Variants in CCSER1 observed in about 807,000 individuals in gnomAD.
CCSER1 encodes coiled-coil serine rich protein 1.
Under a neutral mutation model 82.0 loss-of-function variants are expected in CCSER1, and 41 were observed. That is an observed-to-expected ratio of 0.50 (90% CI 0.39 to 0.65). The LOEUF (loss-of-function observed/expected upper bound fraction) is 0.65. Among genes scored for constraint, CCSER1 ranks in the 30% least tolerant of loss-of-function variants. CCSER1 has a pLI of 0.00. For synonymous variants in CCSER1, 414 were observed against 383.9 expected, an observed-to-expected ratio of 1.08 and a Z score of -0.92; for missense variants, 1,119 against 1,064.2, an observed-to-expected ratio of 1.05 and a Z score of -0.72.
At chr4:91,108,398 T>G (rs1725824119) in intron 10 of CCSER1, among the ~76,000 whole-genome samples, 2 of 152,240 alleles carry the variant, frequency 1.3e-5, no homozygotes, top group African/African-American at 4.8e-5. Flanking sequence ...AATATATGGC[T>G]TATTCGAATT....
chr4:90,719,148 C>T (rs114359188), intron 6 of CCSER1, among the ~76,000 whole-genome samples: 1,930 of 152,142 alleles, frequency 0.013, 45 homozygotes, highest in African/African-American at 0.044. Flanking sequence ...ACAGCTGCTC[C>T]GCATCATTGC....
At chr4:90,849,057 A>G (rs925035579) in intron 8 of CCSER1, among the ~76,000 whole-genome samples, 5 of 152,338 alleles carry the variant, frequency 3.3e-5, no homozygotes, top group East Asian at 3.9e-4. Flanking sequence ...AGACTAATAC[A>G]GTAAATTGGT....
chr4:90,184,491 T>C (rs979966300), intron 1 of CCSER1, among the ~76,000 whole-genome samples: 2 of 152,070 alleles, frequency 1.3e-5, no homozygotes, highest in African/African-American at 4.8e-5. Flanking sequence ...AAGCTGATAG[T>C]AGAACCTCAG....
chr4:90,697,839 C>T (rs182666519), intron 6 of CCSER1, among the ~76,000 whole-genome samples: 1 of 152,172 alleles, frequency 6.6e-6, no homozygotes, highest in East Asian at 1.9e-4. Flanking sequence ...GTGTAATATC[C>T]ATAGGGAGCT....
At chr4:90,898,269 CTTTTTTTTTT>C (rs70963094) in intron 8 of CCSER1, among the ~76,000 whole-genome samples, 16 of 52,540 alleles carry the variant, frequency 3.0e-4, no homozygotes, top group South Asian at 6.1e-4. Context: ...TTTAATCCAT[CTTTTTTTTTT>C]TTTTTTTTTT....
chr4:91,150,340 A>G (rs1730039812), intron 10 of CCSER1, among the ~76,000 whole-genome samples: 1 of 152,110 alleles, frequency 6.6e-6, no homozygotes. Context: ...GTATCCTGAG[A>G]CTTTGCTGAA....
chr4:91,395,416 A>G (rs979158498), intron 10 of CCSER1, among the ~76,000 whole-genome samples: 6 of 152,160 alleles, frequency 3.9e-5, no homozygotes, highest in Non-Finnish European at 7.4e-5. Context: ...AAGTTTAACT[A>G]CTTTCCAAAT....
At chr4:91,411,527 A>ATATATAT (rs1560650607) in intron 10 of CCSER1, among the ~76,000 whole-genome samples, 5 of 46,034 alleles carry the variant, frequency 1.1e-4, no homozygotes, top group African/African-American at 2.2e-4. Flanking sequence ...TATATATATA[A>ATATATAT]AATCTTGACT....
intron 10 of CCSER1, among the ~76,000 whole-genome samples, chr4:91,275,031 G>A (rs1013373838): frequency 5.9e-4 from 90 of 152,028 alleles, no homozygotes; most frequent in African/African-American, 2.0e-3. Flanking sequence ...GTGTGAGCCC[G>A]GGAGGCAGAG....
intron 9 of CCSER1, among the ~76,000 whole-genome samples, chr4:91,002,457 T>C (rs1047992760): frequency 6.6e-6 from 1 of 152,188 alleles, no homozygotes; most frequent in Non-Finnish European, 1.5e-5. Flanking sequence ...TTTCTTATTC[T>C]TTTTTCTTTG....
Position 91,601,794 on chromosome 4 carries a change from C to T in CCSER1, c.*2737C>T, listed in dbSNP as rs763184797. 6.6e-6 allele frequency: 1 copy of T among 151,964 alleles called. No homozygotes were observed. The highest frequency in any genetic ancestry group is 6.6e-5 in the Admixed American group (1 of 15,244). 9.4% of individuals were successfully genotyped at this position (151,964 alleles called of 1,614,324 possible). On this transcript the variant is annotated 3_prime_UTR_variant, in exon 11 of 11. Coordinates refer to ENST00000509176, the MANE Select transcript of CCSER1 (RefSeq NM_001145065.2). ...GTAAAATTTCTGCTGCAAATTGTCT[C>T]TTCTGAATTTAGAATGTGTTTTAAA... is the stretch of plus-strand genomic sequence containing the variant.
intron 9 of CCSER1, among the ~76,000 whole-genome samples, chr4:91,032,043 C>G (rs1345826415): frequency 6.6e-6 from 1 of 151,920 alleles, no homozygotes; most frequent in East Asian, 1.9e-4. Context: ...CTTCATACTC[C>G]CACCTTAATG....
At chr4:90,594,703 G>C (rs900878196) in intron 5 of CCSER1, among the ~76,000 whole-genome samples, 1 of 152,052 alleles carries the variant, frequency 6.6e-6, no homozygotes, top group Admixed American at 6.6e-5. Context: ...ACAACATGTA[G>C]AGTTCTACCA....
chr4:90,757,780 A>T (rs1266196489), intron 7 of CCSER1, among the ~76,000 whole-genome samples: 2 of 149,852 alleles, frequency 1.3e-5, no homozygotes, highest in African/African-American at 4.9e-5. Context: ...CAAGGAGCAC[A>T]TCAAAGAGAC....
At chr4:91,371,255 T>C (rs968135557) in intron 10 of CCSER1, among the ~76,000 whole-genome samples, 1 of 152,120 alleles carries the variant, frequency 6.6e-6, no homozygotes, top group African/African-American at 2.4e-5. Flanking sequence ...ATTCTAACTG[T>C]ATTTTTGTAC....
chr4:91,460,740 C>T (rs1756456433), intron 10 of CCSER1, among the ~76,000 whole-genome samples: 1 of 152,268 alleles, frequency 6.6e-6, no homozygotes, highest in Middle Eastern at 3.4e-3. Context: ...GTGGTAAAAT[C>T]TCTTATTGTG....
intron 10 of CCSER1, among the ~76,000 whole-genome samples, chr4:91,097,566 A>G (rs1724631931): frequency 6.6e-6 from 1 of 152,222 alleles, no homozygotes; most frequent in Non-Finnish European, 1.5e-5. Context: ...ACTGATTATA[A>G]AAATGCTTCT....
chr4:90,861,970 G>A (rs1386477774), intron 8 of CCSER1, among the ~76,000 whole-genome samples: 1 of 146,260 alleles, frequency 6.8e-6, no homozygotes, highest in East Asian at 2.0e-4. Context: ...CAGTGATATT[G>A]GTGGGATTGG....
intron 5 of CCSER1, among the ~76,000 whole-genome samples, chr4:90,494,597 A>G (rs933122093): frequency 1.3e-5 from 2 of 152,158 alleles, no homozygotes; most frequent in Admixed American, 1.3e-4. Context: ...ATTTCTTTGA[A>G]TCTCAGGGAT....
Sources: gnomAD v4.1 joint callset for allele counts (sites outside exome capture counted in the v4.1 genomes callset) on GRCh38, gnomAD v4.1.1 for gene constraint, MANE v1.5 for transcripts, NCBI Gene and HGNC (gene_info 2026-07-23, HGNC 2026-07-21) for gene names.